The following SLC6A15 variants were observed in gnomAD, a reference collection of about 807,000 sequenced individuals.
SLC6A15 encodes the protein solute carrier family 6 member 15.
SLC6A15 carries 33 observed loss-of-function variants against 68.5 expected under a neutral mutation model. The observed-to-expected ratio is 0.48, with a 90% CI of 0.37 to 0.64. The LOEUF (loss-of-function observed/expected upper bound fraction) is 0.64, where lower values mean the gene tolerates loss of function less well. SLC6A15 is among the 30% of genes least tolerant of loss of function. The probability of loss-of-function intolerance (pLI) is 0.00; values close to 1 mark genes in which losing one functional copy is unlikely to be tolerated. For missense variants in SLC6A15, 747 were observed against 874.3 expected, an observed-to-expected ratio of 0.85 and a Z score of 1.84; for synonymous variants, 347 against 301.0, an observed-to-expected ratio of 1.15 and a Z score of -1.58.
intron 1 of SLC6A15, among the ~76,000 whole-genome samples, chr12:84,894,928 TA>T (rs1872575324): frequency 6.6e-6 from 1 of 152,238 alleles, no homozygotes; most frequent in African/African-American, 2.4e-5. Context: ...CCAAACTTTA[TA>T]AAATAAAATA....
chr12:84,878,830 C>T (rs1565724801), intron 5 of SLC6A15, among the ~76,000 whole-genome samples: 3 of 147,468 alleles, frequency 2.0e-5, no homozygotes, highest in South Asian at 2.1e-4. Context: ...ACAGAAATCT[C>T]ACATCTGTCC....
chr12:84,866,961 T>C (rs1049166810), intron 10 of SLC6A15, 73 bp downstream of exon 10: 3 of 1,283,216 alleles, frequency 2.3e-6, no homozygotes, highest in Non-Finnish European at 3.2e-6. Context: ...CTCTTCTAAA[T>C]GAAATGAACA....
chr12:84,863,237 C>T (rs150945308), intron 11 of SLC6A15, among the ~76,000 whole-genome samples: 1 of 152,248 alleles, frequency 6.6e-6, no homozygotes, highest in East Asian at 1.9e-4. Context: ...TAGTGCTTCA[C>T]ATGTGTTGAA....
At chr12:84,881,330 C>A in intron 5 of SLC6A15, 1 of 437,904 alleles carries the variant, frequency 2.3e-6, no homozygotes, top group Non-Finnish European at 3.0e-6. Context: ...AGGCTTACCA[C>A]CATCACAACC....
chr12:84,863,378 G>T, intron 11 of SLC6A15, 61 bp downstream of exon 11: 1 of 1,266,672 alleles, frequency 7.9e-7, no homozygotes, highest in Non-Finnish European at 1.1e-6. Flanking sequence ...AAAAGAAAAA[G>T]CCCTCTAAAA....
At chr12:84,876,465 T>A (rs1306181932) in intron 6 of SLC6A15, 32 bp downstream of exon 6, 1 of 1,075,560 alleles carries the variant, frequency 9.3e-7, no homozygotes. Context: ...GCTTTCATGA[T>A]CATAAGCCTT....
At chr12:84,896,116 T>C (rs76123385) in intron 1 of SLC6A15, among the ~76,000 whole-genome samples, 6,295 of 152,232 alleles carry the variant, frequency 0.041, 407 homozygotes, top group African/African-American at 0.14. Context: ...ATTCTTGTGA[T>C]AGACAATCAA....
chr12:84,872,542 G>T, intron 8 of SLC6A15, 60 bp downstream of exon 8: 1 of 1,433,546 alleles, frequency 7.0e-7, no homozygotes, highest in Non-Finnish European at 9.6e-7. Flanking sequence ...GGAGTCTGCT[G>T]GATAATGCAT....
chr12:84,906,968 A>G (rs1315213496), intron 1 of SLC6A15, among the ~76,000 whole-genome samples: 1 of 152,120 alleles, frequency 6.6e-6, no homozygotes, highest in African/African-American at 2.4e-5. Context: ...GAATCTATTA[A>G]GAGGATGGAA....
At chr12:84,907,682 C>T (rs769042462) in intron 1 of SLC6A15, among the ~76,000 whole-genome samples, 9 of 152,068 alleles carry the variant, frequency 5.9e-5, no homozygotes, top group East Asian at 1.9e-4. Context: ...ACCACATAAC[C>T]GAGCAAGTGT....
rs1279316785 is a variant in SLC6A15, at chr12:84,872,700, C to A, written c.1204G>T (p.Asp402Tyr). Reference sequence around the variant, plus strand: ...ATGATGTCATAAACTAAATGATAATCTTCTGCAGTAACAGTTGAAAGGTTG... The same window carrying A: ...ATGATGTCATAAACTAAATGATAATATTCTGCAGTAACAGTTGAAAGGTTG... ...HINLSTVTAE[D>Y]YHLVYDIIQK... The change falls in exon 8 of 12, where the codon GAT becomes TAT. Residue 402 changes from aspartate (D) to tyrosine (Y), a missense_variant. Asp to Tyr is a radical substitution (Grantham distance 160). Transcript: ENST00000266682. The A allele has an allele frequency of 6.2e-7, 1 of 1,612,922 alleles. No homozygotes were observed. Among genetic ancestry groups the A allele is most frequent in the South Asian group, 1.1e-5 (1 of 91,022 alleles).
At chr12:84,889,931 C>G (rs1280766206) in intron 2 of SLC6A15, among the ~76,000 whole-genome samples, 1 of 151,962 alleles carries the variant, frequency 6.6e-6, no homozygotes, top group Non-Finnish European at 1.5e-5. Context: ...GGCAAATAAA[C>G]TTTATATTGA....
At chr12:84,899,488 G>C (rs949584218) in intron 1 of SLC6A15, among the ~76,000 whole-genome samples, 2 of 152,154 alleles carry the variant, frequency 1.3e-5, no homozygotes, top group Non-Finnish European at 2.9e-5. Flanking sequence ...CCGTAGTCAT[G>C]GACATTGGTT....
At chr12:84,901,127 A>T (rs1872858713) in intron 1 of SLC6A15, among the ~76,000 whole-genome samples, 1 of 151,180 alleles carries the variant, frequency 6.6e-6, no homozygotes, top group Non-Finnish European at 1.5e-5. Context: ...GTGGTGTCTT[A>T]GAAAGCTTTG....
intron 8 of SLC6A15, among the ~76,000 whole-genome samples, 169 bp downstream of exon 8, chr12:84,872,432 TA>T (rs1327686353): frequency 1.1e-4 from 17 of 152,294 alleles, no homozygotes; most frequent in African/African-American, 4.1e-4. Context: ...ACATATTCTC[TA>T]AAATTAAGAA....
chr12:84,882,157 A>G, intron 5 of SLC6A15: 1 of 985,388 alleles, frequency 1.0e-6, no homozygotes, highest in Non-Finnish European at 1.2e-6. Flanking sequence ...TAGTAAGAGA[A>G]CCTGAGTACA....
chr12:84,872,558 A>T (rs1871331443), intron 8 of SLC6A15, 44 bp downstream of exon 8: 1 of 1,527,308 alleles, frequency 6.5e-7, no homozygotes, highest in Non-Finnish European at 9.0e-7. Context: ...TGCATATTTC[A>T]AGTGAATGAT....
chr12:84,872,892 T>G, intron 7 of SLC6A15, 98 bp from the exon 8 acceptor site: 3 of 1,202,088 alleles, frequency 2.5e-6, no homozygotes, highest in Non-Finnish European at 3.4e-6. Flanking sequence ...TGAGCAATGT[T>G]CCCAACACAA....
At chr12:84,895,369 A>G (rs1229048068) in intron 1 of SLC6A15, among the ~76,000 whole-genome samples, 1 of 17,998 alleles carries the variant, frequency 5.6e-5, no homozygotes, top group Admixed American at 7.4e-4. Flanking sequence ...TTTTTTTTTG[A>G]GATGGAGTCT....
Sources: gnomAD v4.1 joint callset for allele counts (sites outside exome capture counted in the v4.1 genomes callset) on GRCh38, gnomAD v4.1.1 for gene constraint, MANE v1.5 for transcripts, NCBI Gene and HGNC (gene_info 2026-07-23, HGNC 2026-07-21) for gene names.